SMURF1: variants seen among roughly 807,000 people sequenced by gnomAD.
SMURF1 encodes E3 ubiquitin-protein ligase SMURF1.
Under a neutral mutation model 98.0 loss-of-function variants are expected in SMURF1, and 44 were observed. The observed-to-expected ratio is 0.45, with a 90% CI of 0.35 to 0.58. SMURF1 has a LOEUF of 0.58. SMURF1 is among the 20% of genes least tolerant of loss of function. SMURF1 has a pLI of 0.00. For synonymous variants in SMURF1, 396 were observed against 374.9 expected (o/e 1.06, Z -0.65); for missense variants, 687 against 938.4 (o/e 0.73, Z 3.50).
rs750504462 is a variant in SMURF1, at chr7:99,037,070, C to G, written c.1806G>C (p.Leu602=). Residue 602 remains leucine (L), a synonymous_variant, in exon 15 of 18, where the codon CTG becomes CTC. Coordinates refer to ENST00000361368, the MANE Select transcript of SMURF1 (RefSeq NM_181349.3). ...ACTCCGCACAGCAGGCACATACCTC[C>G]AGTTCCTTCTGGTCAAAAGGCTTCA... ...HLLKPFDQKE[L]ELIIGGLDKI... is the part of the protein sequence containing the mutation. The G allele has an allele frequency of 6.2e-6, 10 of 1,613,882 alleles. No individual in the cohort carries two copies. Among genetic ancestry groups the G allele is most frequent in the Non-Finnish European group, 8.5e-6 (10 of 1,180,028 alleles).
rs866613128 is a variant in SMURF1, at chr7:99,030,427, C to G, written c.*157G>C. The G allele has an allele frequency of 5.9e-5, 38 of 645,654 alleles. No homozygotes were observed. Among genetic ancestry groups the G allele is most frequent in the Middle Eastern group, 4.2e-4 (1 of 2,366 alleles). 40.0% of individuals were successfully genotyped at this position (645,654 alleles called of 1,614,324 possible). On this transcript the variant is annotated 3_prime_UTR_variant, in exon 18 of 18. Coordinates refer to ENST00000361368, the MANE Select transcript of SMURF1 (RefSeq NM_181349.3). ...GGGTGGGAGCCACCAACAAAAGTCC[C>G]CCATCCCCCTCCCCCAACAGAAAGG... is the stretch of plus-strand genomic sequence containing the variant.
intron 3 of SMURF1, 122 bp downstream of exon 3, chr7:99,060,477 A>G: frequency 3.5e-6 from 2 of 570,852 alleles, no homozygotes; most frequent in Non-Finnish European, 6.0e-6. Context: ...TCATTTGGCC[A>G]TCCGCTTTTG....
Position 99,038,545 on chromosome 7 carries a change from G to A in SMURF1, c.1551-20C>T, listed in dbSNP as rs747988353. On this transcript the variant is annotated intron_variant, in intron 13 of 17. Transcript: ENST00000361368. ...TTCTCTCTGTTGAAATAAGACAGAA[G>A]GATGTAGGTTAGAACTCTGCCACCA... 1 of 1,612,448 alleles carries A rather than the reference G, an allele frequency of 6.2e-7. No homozygotes were observed. The highest frequency in any genetic ancestry group is 1.7e-5 in the Admixed American group (1 of 59,752).
At chr7:99,118,047 A>G (rs1429790320) in intron 1 of SMURF1, among the ~76,000 whole-genome samples, 7 of 152,360 alleles carry the variant, frequency 4.6e-5, no homozygotes. Context: ...CTCATTAGTC[A>G]TTAGGGAAAT....
Position 99,144,095 on chromosome 7 carries a change from G to A in SMURF1, c.-315C>T. ...GCCCGCCGCCCTCGCCGCTTCCGCC[G>A]CTGCCGCCGCCTCTCCGAGCCGCGC... On this transcript the variant is annotated 5_prime_UTR_variant, in exon 1 of 18. Transcript: ENST00000361368. 1 of 149,436 alleles carries A rather than the reference G, an allele frequency of 6.7e-6. No individual in the cohort carries two copies. The highest frequency in any genetic ancestry group is 1.5e-5 in the Non-Finnish European group (1 of 67,348). 9.3% of individuals were successfully genotyped at this position (149,436 alleles called of 1,614,324 possible).
At chr7:99,045,937 T>C (rs1312340493) in intron 10 of SMURF1, 136 bp from the exon 11 acceptor site, 5 of 665,264 alleles carry the variant, frequency 7.5e-6, no homozygotes, top group Admixed American at 2.5e-5. Flanking sequence ...CATCAGAATG[T>C]TTCTTCGGCA....
intron 1 of SMURF1, among the ~76,000 whole-genome samples, chr7:99,076,990 TAATAAAAAAAAA>T (rs1796477277): frequency 6.7e-6 from 1 of 148,850 alleles, no homozygotes; most frequent in Non-Finnish European, 1.5e-5. Context: ...ATAATGTCTA[TAATAAAAAAAAA>T]AACAAAAAAG....
intron 17 of SMURF1, chr7:99,031,584 A>G (rs1484422145): frequency 1.3e-5 from 2 of 152,246 alleles, no homozygotes; most frequent in Non-Finnish European, 2.9e-5. Context: ...CTAAACTACT[A>G]AAGGACAAAA....
chr7:99,139,507 T>C (rs1054766968), intron 1 of SMURF1, among the ~76,000 whole-genome samples: 1 of 152,214 alleles, frequency 6.6e-6, no homozygotes, highest in Non-Finnish European at 1.5e-5. Context: ...TTGAAGAGCA[T>C]TGTAGAACCC....
chr7:99,083,382 G>A (rs944952111), intron 1 of SMURF1, among the ~76,000 whole-genome samples: 1 of 152,218 alleles, frequency 6.6e-6, no homozygotes, highest in South Asian at 2.1e-4. Context: ...TGATTTACTT[G>A]GAAACATTAA....
intron 3 of SMURF1, among the ~76,000 whole-genome samples, chr7:99,058,188 A>G (rs533968553): frequency 4.0e-5 from 6 of 151,824 alleles, no homozygotes; most frequent in East Asian, 1.9e-4. Flanking sequence ...CCGGAGTGCA[A>G]TGGCGCAGTG....
chr7:99,049,809 T>A lies in SMURF1; in HGVS notation c.807-100A>T, dbSNP rs1795700768. On this transcript the variant is annotated intron_variant, in intron 8 of 17. Coordinates refer to ENST00000361368, the MANE Select transcript of SMURF1 (RefSeq NM_181349.3). ...GCCACAGAGGTTCCTTATCAAGGTGTCTGTGTCCCAGCTCTGCTAAGATGG... is the reference window on the plus strand; with the variant it reads ...GCCACAGAGGTTCCTTATCAAGGTGACTGTGTCCCAGCTCTGCTAAGATGG... 9 of 1,202,550 alleles carry A rather than the reference T, an allele frequency of 7.5e-6. No homozygotes were observed. The Middle Eastern group carries it at 1.5e-3, about 204-fold the overall frequency. 74.5% of individuals were successfully genotyped at this position (1,202,550 alleles called of 1,614,324 possible).
At chr7:99,051,819 C>G (rs772114435) in intron 7 of SMURF1, among the ~76,000 whole-genome samples, 3 of 152,156 alleles carry the variant, frequency 2.0e-5, no homozygotes, top group Non-Finnish European at 2.9e-5. Flanking sequence ...ATGGCATAGC[C>G]ACGCAAACAT....
intron 1 of SMURF1, among the ~76,000 whole-genome samples, chr7:99,138,108 A>G (rs76132694): frequency 0.073 from 233 of 3,180 alleles, no homozygotes; most frequent in African/African-American, 0.19. Flanking sequence ...GTTCAGTGAC[A>G]AAAAAAAAAA....
At chr7:99,099,209 CTTT>C (rs57973305) in intron 1 of SMURF1, among the ~76,000 whole-genome samples, 3 of 129,450 alleles carry the variant, frequency 2.3e-5, no homozygotes, top group Non-Finnish European at 1.6e-5. Flanking sequence ...AACACTACTA[CTTT>C]TTTTTTTTTT....
Position 99,038,542 on chromosome 7 carries a change from G to A in SMURF1, c.1551-17C>T, listed in dbSNP as rs754691027. On this transcript the variant is annotated splice_polypyrimidine_tract_variant and intron_variant, in intron 13 of 17. Coordinates refer to ENST00000361368, the MANE Select transcript of SMURF1 (RefSeq NM_181349.3). ...TCGTTCTCTCTGTTGAAATAAGACA[G>A]AAGGATGTAGGTTAGAACTCTGCCA... 6.2e-7 allele frequency: 1 copy of A among 1,612,942 alleles called. No homozygotes were observed. The highest frequency in any genetic ancestry group is 2.2e-5 in the East Asian group (1 of 44,858).
chr7:99,053,442 A>T lies in SMURF1; in HGVS notation c.480-996T>A, dbSNP rs188797617. Among the ~76,000 whole-genome samples the T allele has an allele frequency of 2.8e-3, 433 of 152,272 alleles. 2 individuals are homozygous for T. The highest frequency in any genetic ancestry group is 6.7e-3 in the African/African-American group (278 of 41,566). On this transcript the variant is annotated intron_variant, in intron 6 of 17. Transcript: ENST00000361368. ...ACTAAAAAATGTTCATTAATTTTTT[A>T]AAAAAATCAAATACCGGTGTTCAGA...
At chr7:99,050,934 C>T in intron 8 of SMURF1, 1 of 1,550,854 alleles carries the variant, frequency 6.4e-7, no homozygotes, top group Non-Finnish European at 8.7e-7. Flanking sequence ...GATGTATGGC[C>T]TTGTAGAAGG....
At chr7:99,059,399 A>AAAAAAAAAAAAAAT (rs1795966396) in intron 3 of SMURF1, among the ~76,000 whole-genome samples, 1 of 97,250 alleles carries the variant, frequency 1.0e-5, no homozygotes, top group African/African-American at 4.5e-5. Context: ...CTCCATCTCA[A>AAAAAAAAAAAAAAT]AAAAAAATAA....
Sources: allele counts gnomAD v4.1 joint callset (sites outside exome capture counted in the v4.1 genomes callset), GRCh38; gene constraint gnomAD v4.1.1; transcripts MANE v1.5; gene names NCBI Gene and HGNC (gene_info 2026-07-23, HGNC 2026-07-21).